CRISP3: variants seen among roughly 807,000 people sequenced by gnomAD.
The protein encoded by CRISP3 is cysteine-rich secretory protein 3.
In CRISP3, 33 loss-of-function variants were observed where a neutral mutation model predicts 36.1. That is an observed-to-expected ratio of 0.91 (90% CI 0.69 to 1.22). The LOEUF (loss-of-function observed/expected upper bound fraction) is 1.22, where lower values mean the gene tolerates loss of function less well. CRISP3 is among the 50% of genes most tolerant of loss of function. The pLI, the probability that CRISP3 is intolerant of heterozygous loss-of-function variation, is 0.00. For missense variants in CRISP3, 330 were observed against 301.2 expected, an observed-to-expected ratio of 1.10 and a Z score of -0.71; for synonymous variants, 117 against 104.6, an observed-to-expected ratio of 1.12 and a Z score of -0.72.
intron 1 of CRISP3, among the ~76,000 whole-genome samples, chr6:49,742,879 G>A (rs974489615): frequency 2.6e-5 from 4 of 152,102 alleles, no homozygotes; most frequent in Non-Finnish European, 5.9e-5. Flanking sequence ...AAAGGATTAC[G>A]TGGATTAGAA....
At position 49,728,430 on chromosome 6, in the gene CRISP3, C is replaced by A. The variant is rs1439093404; in HGVS notation, c.*300G>T. On this transcript the variant is annotated 3_prime_UTR_variant, in exon 8 of 8. Transcript: ENST00000263045. ...AATCCAGGGTTTTAGTGAACTTAGT[C>A]ATATGAGAATACAACTTTCAAAATT... 5.1e-6 allele frequency: 1 copy of A among 194,566 alleles called. No individual in the cohort carries two copies. Among genetic ancestry groups the A allele is most frequent in the African/African-American group, 2.3e-5 (1 of 42,970 alleles). The allele number at this position is 194,566 out of a possible 1,614,324, so 12.1% of individuals were successfully genotyped here.
chr6:49,737,601 A>C (rs1054947586), intron 1 of CRISP3: 2 of 610,620 alleles, frequency 3.3e-6, no homozygotes, highest in Non-Finnish European at 5.7e-6. Flanking sequence ...GGGACTATAA[A>C]GAACAAACCA....
Position 49,744,327 on chromosome 6 carries a change from T to A in CRISP3, c.37+4A>T. 2 of 1,525,676 alleles carry A rather than the reference T, an allele frequency of 1.3e-6. No homozygotes were observed. Among genetic ancestry groups the A allele is most frequent in the Non-Finnish European group, 1.8e-6 (2 of 1,138,400 alleles). 94.5% of individuals were successfully genotyped at this position (1,525,676 alleles called of 1,614,324 possible). A position where few individuals can be genotyped will look rare whatever the true frequency, so the allele number is the denominator to read the frequency against. Reference sequence around the variant, plus strand: ...CACCTTGAAATAAAGGAGTTATCACTTACCAGTGGTTTCCAGAGCAGGATG... The same window carrying A: ...CACCTTGAAATAAAGGAGTTATCACATACCAGTGGTTTCCAGAGCAGGATG... On this transcript the variant is annotated splice_donor_region_variant and intron_variant, in intron 1 of 7. Transcript: ENST00000263045.
chr6:49,739,004 A>G (rs929235638), intron 1 of CRISP3, among the ~76,000 whole-genome samples: 18 of 151,982 alleles, frequency 1.2e-4, no homozygotes, highest in African/African-American at 4.1e-4. Context: ...GAAGTCTGAA[A>G]AAAAAAAAGA....
intron 7 of CRISP3, among the ~76,000 whole-genome samples, chr6:49,730,012 T>G (rs1334446327): frequency 1.3e-5 from 2 of 152,182 alleles, no homozygotes; most frequent in East Asian, 3.9e-4. Context: ...TGGATTTTCC[T>G]TCTTTAGTTG....
In CRISP3 at chr6:49,728,602, G is replaced by T; in HGVS notation, c.*128C>A. The stretch of plus-strand genomic sequence containing the variant: ...AAGCAGATCCAGAAGAAAAACATTT[G>T]AAATCAAATGTGTATCAAACATGCC... On this transcript the variant is annotated 3_prime_UTR_variant, in exon 8 of 8. Coordinates refer to ENST00000263045, the MANE Select transcript of CRISP3 (RefSeq NM_006061.4). 1.4e-6 allele frequency: 1 copy of T among 734,624 alleles called. No homozygotes were observed. The highest frequency in any genetic ancestry group is 2.0e-6 in the Non-Finnish European group (1 of 506,826). 45.5% of individuals were successfully genotyped at this position (734,624 alleles called of 1,614,324 possible). A position where few individuals can be genotyped will look rare whatever the true frequency, so the allele number is the denominator to read the frequency against.
chr6:49,740,392 GC>G (rs1769167432), intron 1 of CRISP3, among the ~76,000 whole-genome samples: 1 of 152,174 alleles, frequency 6.6e-6, no homozygotes, highest in Admixed American at 6.5e-5. Flanking sequence ...TATAAAGCAA[GC>G]CTTTGGCTTT....
intron 7 of CRISP3, among the ~76,000 whole-genome samples, chr6:49,730,814 G>A (rs937050467): frequency 1.3e-5 from 2 of 152,176 alleles, no homozygotes; most frequent in African/African-American, 4.8e-5. Context: ...GCTGAGGTGG[G>A]CAGATCGCTT....
chr6:49,732,615 TAAATTCTAAGAAGCA>T (rs1243615164), intron 6 of CRISP3, among the ~76,000 whole-genome samples: 1 of 152,186 alleles, frequency 6.6e-6, no homozygotes, highest in African/African-American at 2.4e-5. Context: ...TTTTTTGTGG[TAAATTCTAAGAAGCA>T]AAAATTTAAG....
chr6:49,735,186 C>T (rs1487368416), intron 4 of CRISP3, among the ~76,000 whole-genome samples: 1 of 152,108 alleles, frequency 6.6e-6, no homozygotes, highest in Non-Finnish European at 1.5e-5. Context: ...ACATTAATTG[C>T]CAATCATCAT....
chr6:49,727,660 T>A lies in CRISP3; in HGVS notation c.*1070A>T, dbSNP rs1187044347. On this transcript the variant is annotated 3_prime_UTR_variant, in exon 8 of 8. Transcript: ENST00000263045. Reference sequence around the variant, plus strand: ...GCATTTGGCTCACATGTCTCCTTAGTCTCATGTGGTCTGTGATTGTTTCTC... The same window carrying A: ...GCATTTGGCTCACATGTCTCCTTAGACTCATGTGGTCTGTGATTGTTTCTC... The A allele has an allele frequency of 2.6e-5, 4 of 152,172 alleles. No individual in the cohort carries two copies. The highest frequency in any genetic ancestry group is 9.6e-5 in the African/African-American group (4 of 41,460). The allele number at this position is 152,172 out of a possible 1,614,324, so 9.4% of individuals were successfully genotyped here. A position where few individuals can be genotyped will look rare whatever the true frequency, so the allele number is the denominator to read the frequency against.
At chr6:49,732,962 G>T (rs1768951564) in intron 6 of CRISP3, among the ~76,000 whole-genome samples, 1 of 152,112 alleles carries the variant, frequency 6.6e-6, no homozygotes, top group Non-Finnish European at 1.5e-5. Flanking sequence ...ATTGAGAGAG[G>T]AGACAAATTA....
At chr6:49,731,606 T>G (rs1768919023) in intron 6 of CRISP3, among the ~76,000 whole-genome samples, 1 of 152,156 alleles carries the variant, frequency 6.6e-6, no homozygotes, top group Non-Finnish European at 1.5e-5. Context: ...GGGTAAAACA[T>G]ATCCCCTAGA....
intron 1 of CRISP3, 29 bp from the exon 2 acceptor site, chr6:49,737,427 A>G (rs1350264484): frequency 6.2e-7 from 1 of 1,613,506 alleles, no homozygotes; most frequent in Non-Finnish European, 8.5e-7. Flanking sequence ...TGGAACAGGG[A>G]TCTGCATTAA....
In CRISP3 at chr6:49,733,302, A is replaced by G. The variant is rs1432011560; in HGVS notation, c.463-10T>C. 1 of 1,560,000 alleles carries G rather than the reference A, an allele frequency of 6.4e-7. No homozygotes were observed. The highest frequency in any genetic ancestry group is 1.2e-5 in the South Asian group (1 of 86,410). On this transcript the variant is annotated splice_polypyrimidine_tract_variant and intron_variant, in intron 5 of 7. Coordinates refer to ENST00000263045, the MANE Select transcript of CRISP3 (RefSeq NM_006061.4). ...AAGAGTACCAAACAACCTATAAACCAATAAGTGAAGATATGAGAGCACATT... is the reference window on the plus strand; with the variant it reads ...AAGAGTACCAAACAACCTATAAACCGATAAGTGAAGATATGAGAGCACATT...
chr6:49,736,248 T>C (rs1359035320), intron 3 of CRISP3, 143 bp downstream of exon 3: 6 of 629,220 alleles, frequency 9.5e-6, no homozygotes, highest in African/African-American at 3.7e-5. Context: ...AATTCAGCTC[T>C]GCCCATTACA....
At chr6:49,735,707 T>G in intron 3 of CRISP3, 116 bp from the exon 4 acceptor site, 2 of 653,348 alleles carry the variant, frequency 3.1e-6, no homozygotes, top group Non-Finnish European at 5.2e-6. Flanking sequence ...TGTACAAGCA[T>G]CTTCTGATTT....
Position 49,735,532 on chromosome 6 carries a change from T to C in CRISP3, c.288A>G (p.Arg96=). The change falls in exon 4 of 8, where the codon AGA becomes AGG. Residue 96 remains arginine (R), a synonymous_variant. Coordinates refer to ENST00000263045, the MANE Select transcript of CRISP3 (RefSeq NM_006061.4). ...AQKWANQCNY[R]HSNPKDRMTS... ...TCATTCGATCCTTTGGGTTACTGTG[T>C]CTGTAATTGCACTGGTTTGCCCACT... is the stretch of plus-strand genomic sequence containing the variant. 2 of 1,612,556 alleles carry C rather than the reference T, an allele frequency of 1.2e-6. No homozygotes were observed. Among genetic ancestry groups the C allele is most frequent in the Non-Finnish European group, 1.7e-6 (2 of 1,179,080 alleles).
At chr6:49,729,697 T>A (rs1768867376) in intron 7 of CRISP3, among the ~76,000 whole-genome samples, 2 of 152,152 alleles carry the variant, frequency 1.3e-5, no homozygotes, top group African/African-American at 4.8e-5. Context: ...TAATCAATAC[T>A]CAACAATACC....
Sources: allele counts gnomAD v4.1 joint callset (sites outside exome capture counted in the v4.1 genomes callset), GRCh38; gene constraint gnomAD v4.1.1; transcripts MANE v1.5; gene names NCBI Gene and HGNC (gene_info 2026-07-23, HGNC 2026-07-21).